The following ASTN2 variants were observed in gnomAD, a reference collection of about 807,000 sequenced individuals.
ASTN2 encodes astrotactin 2.
ASTN2 carries 54 observed loss-of-function variants against 139.8 expected under a neutral mutation model. The observed-to-expected ratio is 0.39, with a 90% CI of 0.31 to 0.48. ASTN2 has a LOEUF of 0.48. Ranked by LOEUF, ASTN2 falls within the 20% of genes least tolerant of loss-of-function variation. ASTN2 has a pLI of 0.95. For missense variants in ASTN2, 1,565 were observed against 1,725.1 expected (o/e 0.91, Z 1.64); for synonymous variants, 756 against 719.5 (o/e 1.05, Z -0.81).
At chr9:116,599,438 A>G (rs1203184329) in intron 19 of ASTN2, among the ~76,000 whole-genome samples, 1 of 152,236 alleles carries the variant, frequency 6.6e-6, no homozygotes, top group Non-Finnish European at 1.5e-5. Flanking sequence ...ATGAATGATT[A>G]TTGGCTATCA....
At chr9:117,387,699 C>T (rs929190994) in intron 1 of ASTN2, among the ~76,000 whole-genome samples, 21 of 152,280 alleles carry the variant, frequency 1.4e-4, no homozygotes, top group African/African-American at 5.1e-4. Flanking sequence ...GATCCACAGG[C>T]TTCCTAGCAT....
intron 4 of ASTN2, among the ~76,000 whole-genome samples, chr9:117,098,117 T>C (rs1828883183): frequency 6.6e-6 from 1 of 152,194 alleles, no homozygotes; most frequent in East Asian, 1.9e-4. Flanking sequence ...CTCTGTAATA[T>C]ACACATTGCT....
At chr9:116,803,753 T>A (rs1372379323) in intron 13 of ASTN2, among the ~76,000 whole-genome samples, 2 of 151,078 alleles carry the variant, frequency 1.3e-5, no homozygotes, top group Non-Finnish European at 2.9e-5. Flanking sequence ...CTCAATCTCC[T>A]TACCTCATGA....
chr9:116,964,265 G>GCGCGCGCGCGCA (rs138836463), intron 10 of ASTN2, among the ~76,000 whole-genome samples: 290 of 149,908 alleles, frequency 1.9e-3, no homozygotes, highest in East Asian at 9.0e-3. Context: ...GTGCGCGCGC[G>GCGCGCGCGCGCA]CGCGTGTGTG....
chr9:117,241,926 C>CT, intron 2 of ASTN2, among the ~76,000 whole-genome samples: 1 of 143,542 alleles, frequency 7.0e-6, no homozygotes, highest in East Asian at 2.0e-4. Context: ...TGCAAGTTAC[C>CT]CCCCCCCACA....
chr9:117,354,075 T>G (rs539300860), intron 1 of ASTN2, among the ~76,000 whole-genome samples: 3 of 152,144 alleles, frequency 2.0e-5, no homozygotes, highest in African/African-American at 7.2e-5. Context: ...GGTTTGTTAA[T>G]TGTAACAAAA....
intron 17 of ASTN2, among the ~76,000 whole-genome samples, chr9:116,647,228 T>C (rs1345647311): frequency 6.6e-6 from 1 of 152,218 alleles, no homozygotes; most frequent in Non-Finnish European, 1.5e-5. Flanking sequence ...TTCATTAATA[T>C]CTGTCTTCTC....
chr9:117,234,516 G>A (rs538438236), intron 2 of ASTN2, among the ~76,000 whole-genome samples: 1 of 152,220 alleles, frequency 6.6e-6, no homozygotes, highest in African/African-American at 2.4e-5. Context: ...ATATCAGAAC[G>A]GACAGGAACT....
intron 10 of ASTN2, among the ~76,000 whole-genome samples, chr9:116,867,910 C>T (rs190463136): frequency 6.6e-6 from 1 of 152,278 alleles, no homozygotes; most frequent in African/African-American, 2.4e-5. Context: ...TCAAAGCAGA[C>T]ACTGGCGTTT....
chr9:117,369,858 C>T lies in ASTN2; in HGVS notation c.442+44639G>A, dbSNP rs548363560. Among the ~76,000 whole-genome samples the T allele has an allele frequency of 1.5e-4, 23 of 152,252 alleles. No individual in the cohort carries two copies. The East Asian group carries it at 3.3e-3, about 22-fold the overall frequency. ...AAGAGAATTGATTTCCCTAAGGGCA[C>T]ACACTGTTAAGCATTAGAGGAGGAA... On this transcript the variant is annotated intron_variant, in intron 1 of 22. Coordinates refer to ENST00000313400, the MANE Select transcript of ASTN2 (RefSeq NM_001365068.1).
At chr9:117,302,048 T>C (rs565215544) in intron 1 of ASTN2, among the ~76,000 whole-genome samples, 1 of 123,214 alleles carries the variant, frequency 8.1e-6, no homozygotes, top group Admixed American at 1.1e-4. Context: ...ATCTCACCAC[T>C]GTCAAGGCAA....
rs150849349 is a variant in ASTN2, at chr9:116,725,908, C to T, written c.2669G>A (p.Arg890Gln). Residue 890 changes from arginine (R) to glutamine (Q), a missense_variant, in exon 16 of 23, where the codon CGG (arginine) becomes CAG (glutamine). By Grantham distance (43) the Arg-to-Gln change is conservative (BLOSUM62 1). This residue lies in a region of ASTN2 where 503 missense variants were observed against 591.7 expected (regional missense o/e 0.85). Coordinates refer to ENST00000313400, the MANE Select transcript of ASTN2 (RefSeq NM_001365068.1). Reference protein sequence around the residue: ...VLKILTKESSREELLSFIQHY... With the variant: ...VLKILTKESSQEELLSFIQHY... Reference sequence around the variant, plus strand: ...CTGGATGAAGGACAGCAGCTCCTCCCGACTGCTCTCCTTGGTCAGGATCTT... The same window carrying T: ...CTGGATGAAGGACAGCAGCTCCTCCTGACTGCTCTCCTTGGTCAGGATCTT... The T allele has an allele frequency of 1.6e-4, 256 of 1,613,778 alleles. No homozygotes were observed. Among genetic ancestry groups the T allele is most frequent in the Non-Finnish European group, 1.5e-4 (182 of 1,179,970 alleles).
chr9:117,141,616 C>T lies in ASTN2; in HGVS notation c.1016-138G>A, dbSNP rs528639439. 39 of 608,236 alleles carry T rather than the reference C, an allele frequency of 6.4e-5. No individual in the cohort carries two copies. The Admixed American group carries it at 1.4e-3, about 21-fold the overall frequency. The allele number at this position is 608,236 out of a possible 1,614,324, so 37.7% of individuals were successfully genotyped here. ...TGGCCACCCTAATTCCTTGAAACTCCCTCCCTGACCCATTGAAGATATAGA... is the reference window on the plus strand; with the variant it reads ...TGGCCACCCTAATTCCTTGAAACTCTCTCCCTGACCCATTGAAGATATAGA... On this transcript the variant is annotated intron_variant, in intron 3 of 22. Coordinates refer to ENST00000313400, the MANE Select transcript of ASTN2 (RefSeq NM_001365068.1).
chr9:116,490,303 A>G (rs7469624), intron 19 of ASTN2, among the ~76,000 whole-genome samples: 3,829 of 103,916 alleles, frequency 0.037, 83 homozygotes, highest in East Asian at 0.1. Flanking sequence ...AAAAAAAAAA[A>G]GGGGGCATTG....
intron 19 of ASTN2, among the ~76,000 whole-genome samples, chr9:116,509,106 C>A (rs1159062813): frequency 6.6e-6 from 1 of 152,016 alleles, no homozygotes; most frequent in African/African-American, 2.4e-5. Flanking sequence ...TGTGCTGCAC[C>A]CATTAACTCG....
At chr9:117,040,084 A>G in intron 5 of ASTN2, 119 bp from the exon 6 acceptor site, 1 of 1,219,530 alleles carries the variant, frequency 8.2e-7, no homozygotes, top group Non-Finnish European at 1.1e-6. Flanking sequence ...AAAAGAAAAG[A>G]AAAAAGACAT....
intron 19 of ASTN2, among the ~76,000 whole-genome samples, chr9:116,615,043 A>T (rs947881117): frequency 4.3e-4 from 66 of 152,058 alleles, no homozygotes; most frequent in African/African-American, 1.5e-3. Flanking sequence ...AATCAAACAA[A>T]CACATCAAAA....
At chr9:116,902,941 G>C (rs1203006099) in intron 10 of ASTN2, among the ~76,000 whole-genome samples, 2 of 152,114 alleles carry the variant, frequency 1.3e-5, no homozygotes, top group Non-Finnish European at 2.9e-5. Flanking sequence ...AGTAGGATCT[G>C]ACCATCCATT....
chr9:117,093,242 T>TTC (rs1587954966), intron 5 of ASTN2, among the ~76,000 whole-genome samples: 1 of 152,284 alleles, frequency 6.6e-6, no homozygotes, highest in East Asian at 1.9e-4. Context: ...GTCCCCATAG[T>TTC]AAATCCAATG....
Sources: allele counts gnomAD v4.1 joint callset (sites outside exome capture counted in the v4.1 genomes callset), GRCh38; gene constraint gnomAD v4.1.1; regional missense constraint gnomAD v4.1.1; transcripts MANE v1.5; gene names NCBI Gene and HGNC (gene_info 2026-07-23, HGNC 2026-07-21).